Variants in DNASE1 observed in about 807,000 individuals in gnomAD.
The protein encoded by DNASE1 is deoxyribonuclease-1.
In DNASE1, 40 loss-of-function variants were observed where a neutral mutation model predicts 33.9. The ratio of observed to expected loss-of-function variants is 1.18; its 90% CI spans 0.92 to 1.54. DNASE1 has a LOEUF of 1.54. Ranked by LOEUF, DNASE1 falls within the 40% of genes most tolerant of loss-of-function variation. The pLI is 0.00. For missense variants in DNASE1, 518 were observed against 372.6 expected, an observed-to-expected ratio of 1.39 and a Z score of -3.21; for synonymous variants, 216 against 160.0, an observed-to-expected ratio of 1.35 and a Z score of -2.64.
rs558639297 is a variant in DNASE1 at position 3,629,709 on chromosome 16, C to T, written c.-1358-11006C>T. 1.1e-4 allele frequency among the ~76,000 whole-genome samples: 17 copies of T among 152,296 alleles called. No individual in the cohort carries two copies. The East Asian group carries it at 3.3e-3, about 29-fold the overall frequency. On this transcript the variant is annotated intron_variant and NMD_transcript_variant, in intron 1 of 11. Transcript: ENST00000570769. ...AATTAATCAGTGAAGCCTTCAGGTC[C>T]AGGACTTTTCTTAGGAGATTTTTGA...
chr16:3,655,860 C>T lies in DNASE1; in HGVS notation c.159C>T (p.Arg53=), dbSNP rs2042570654. ...LVSYIVQILS[R]YDIALVQEVR... is the part of the protein sequence containing the mutation. ...GGCCCTGCCCCCAGATCCTGAGCCGCTATGACATCGCCCTGGTCCAGGAGG... is the reference window on the plus strand; with the variant it reads ...GGCCCTGCCCCCAGATCCTGAGCCGTTATGACATCGCCCTGGTCCAGGAGG... Residue 53 remains arginine (R), a synonymous_variant, in exon 3 of 9, where the codon CGC becomes CGT. Coordinates refer to ENST00000246949, the MANE Select transcript of DNASE1 (RefSeq NM_005223.4). 1 of 1,613,412 alleles carries T rather than the reference C, an allele frequency of 6.2e-7. No homozygotes were observed. Among genetic ancestry groups the T allele is most frequent in the Admixed American group, 1.7e-5 (1 of 59,982 alleles).
At chr16:3,640,444 G>A (rs956000822), upstream of DNASE1, among the ~76,000 whole-genome samples, 1 of 152,160 alleles carries the variant, frequency 6.6e-6, no homozygotes, top group African/African-American at 2.4e-5. Flanking sequence ...CCTGGAACCC[G>A]CCTCCTGGCT....
At chr16:3,612,224 G>T (rs2040904216) in intron 1 of DNASE1, among the ~76,000 whole-genome samples, 1 of 129,060 alleles carries the variant, frequency 7.7e-6, no homozygotes, top group Non-Finnish European at 1.7e-5. Context: ...GCTTCAACTT[G>T]GGGTCGTCGG....
intron 1 of DNASE1, among the ~76,000 whole-genome samples, chr16:3,624,585 G>T (rs1241826637): frequency 6.6e-6 from 1 of 152,208 alleles, no homozygotes; most frequent in Non-Finnish European, 1.5e-5. Flanking sequence ...TGGGTGGACT[G>T]TGCTCAGCAT....
At position 3,655,045 on chromosome 16, in the gene DNASE1, G is replaced by T. The variant is rs2042504343; in HGVS notation, c.-2+1G>T. 4 of 573,532 alleles carry T rather than the reference G, an allele frequency of 7.0e-6. No individual in the cohort carries two copies. The Admixed American group carries it at 1.3e-4, about 18-fold the overall frequency. 35.5% of individuals were successfully genotyped at this position (573,532 alleles called of 1,614,324 possible). ...TCTGAGGACATCACCATCATCTCAGGTGAGCACCAGGTGGAGTGCCTCTGG... is the reference window on the plus strand; with the variant it reads ...TCTGAGGACATCACCATCATCTCAGTTGAGCACCAGGTGGAGTGCCTCTGG... On this transcript the variant is annotated splice_donor_variant, in intron 1 of 8. Coordinates refer to ENST00000246949, the MANE Select transcript of DNASE1 (RefSeq NM_005223.4). LOFTEE classifies it low-confidence loss of function (5UTR_SPLICE).
chr16:3,662,295 TG>T (rs374363529), downstream of DNASE1: 383 of 852,380 alleles, frequency 4.5e-4, 2 homozygotes, highest in African/African-American at 5.8e-3. Context: ...CACTAACTTG[TG>T]GGCCCTGAGC....
Position 3,657,210 on chromosome 16 carries a change from C to A in DNASE1, c.573C>A (p.Phe191Leu), listed in dbSNP as rs1158493306. 6.2e-7 allele frequency: 1 copy of A among 1,613,974 alleles called. No homozygotes were observed. Among genetic ancestry groups the A allele is most frequent in the Non-Finnish European group, 8.5e-7 (1 of 1,180,032 alleles). Reference protein sequence around the residue: ...GLEDVMLMGDFNAGCSYVRPS... With the variant: ...GLEDVMLMGDLNAGCSYVRPS... ...AGGACGTCATGTTGATGGGCGACTTCAATGCGGGCTGCAGCTATGTGAGAC... is the reference window on the plus strand; with the variant it reads ...AGGACGTCATGTTGATGGGCGACTTAAATGCGGGCTGCAGCTATGTGAGAC... The change falls in exon 7 of 9, where the codon TTC becomes TTA. Residue 191 changes from phenylalanine (F) to leucine (L), a missense_variant. Transcript: ENST00000246949.
intron 1 of DNASE1, among the ~76,000 whole-genome samples, chr16:3,627,316 C>T (rs1355829136): frequency 6.6e-6 from 1 of 151,350 alleles, no homozygotes; most frequent in East Asian, 1.9e-4. Context: ...TGCTCTGTCA[C>T]CCTGGCTGGA....
chr16:3,650,768 T>C (rs2042309728), upstream of DNASE1: 1 of 152,194 alleles, frequency 6.6e-6, no homozygotes, highest in Admixed American at 6.6e-5. Flanking sequence ...TCATGGGATG[T>C]GTGTGCCTGT....
exon 10 of DNASE1, chr16:3,663,859 G>T: frequency 4.9e-6 from 2 of 412,180 alleles, no homozygotes; most frequent in East Asian, 9.3e-5. Flanking sequence ...AGATCATGAG[G>T]TCAGGAGTTC....
rs34262280 is a variant in DNASE1 at position 3,627,450 on chromosome 16, A to AT, written c.-1358-13258dup. Among the ~76,000 whole-genome samples, 606 of 150,962 alleles carry AT rather than the reference A, an allele frequency of 4.0e-3. 3 individuals are homozygous for AT. The highest frequency in any genetic ancestry group is 0.014 in the African/African-American group (561 of 41,124). On this transcript the variant is annotated intron_variant and NMD_transcript_variant, in intron 1 of 11. Transcript: ENST00000570769. ...CCATGGCTGGGTAATTTTATTTTTT[A>AT]TTTTTTTATAGAGACAAGGCCTCAC... is the stretch of plus-strand genomic sequence containing the variant.
At chr16:3,647,029 C>A (rs1280463841) in intron 1 of DNASE1, among the ~76,000 whole-genome samples, 7 of 152,116 alleles carry the variant, frequency 4.6e-5, no homozygotes, top group Admixed American at 4.6e-4. Context: ...ATGTCCCAGC[C>A]ACAGCTGAAG....
downstream of DNASE1, chr16:3,660,839 G>C (rs976009031): frequency 9.2e-5 from 14 of 152,312 alleles, no homozygotes; most frequent in African/African-American, 3.4e-4. Flanking sequence ...CAGGTGGATT[G>C]TTTGAGGCCA....
chr16:3,616,033 TGTATA>T (rs974127852), intron 1 of DNASE1, among the ~76,000 whole-genome samples: 29 of 152,366 alleles, frequency 1.9e-4, no homozygotes, highest in African/African-American at 6.3e-4. Context: ...TATTTACTGT[TGTATA>T]GTCACATTTT....
chr16:3,654,584 C>G (rs559872787), upstream of DNASE1: 1 of 398,746 alleles, frequency 2.5e-6, no homozygotes, highest in African/African-American at 2.1e-5. Context: ...CCATCCCTGC[C>G]CTATCCTGGA....
chr16:3,619,803 G>T lies in DNASE1; in HGVS notation c.-1359+7797G>T, dbSNP rs977050242. On this transcript the variant is annotated intron_variant and NMD_transcript_variant, in intron 1 of 11. Transcript: ENST00000570769. ...TGGGATTATAGGTGTGAGCCACCAC[G>T]CCTGGCCCTCAGTATTTTTAAAAAT... Among the ~76,000 whole-genome samples the T allele has an allele frequency of 3.3e-5, 5 of 152,202 alleles. No homozygotes were observed. In the South Asian group the frequency reaches 1.0e-3, roughly 32 times the overall value.
intron 1 of DNASE1, among the ~76,000 whole-genome samples, chr16:3,621,159 G>A (rs986971216): frequency 2.0e-5 from 3 of 151,932 alleles, no homozygotes; most frequent in African/African-American, 7.3e-5. Context: ...GCAGTGGCAC[G>A]AGCATAGACT....
At chr16:3,623,441 A>C (rs1406085585) in intron 1 of DNASE1, among the ~76,000 whole-genome samples, 1 of 152,186 alleles carries the variant, frequency 6.6e-6, no homozygotes, top group African/African-American at 2.4e-5. Context: ...TATGACTAAG[A>C]CCTCAAAAGC....
upstream of DNASE1, chr16:3,654,490 C>T: frequency 2.5e-6 from 1 of 398,734 alleles, no homozygotes; most frequent in Non-Finnish European, 4.4e-6. Context: ...TGGCTTTGGC[C>T]TCTTTGTCCA....
Sources: allele counts gnomAD v4.1 joint callset (sites outside exome capture counted in the v4.1 genomes callset), GRCh38; gene constraint gnomAD v4.1.1; transcripts MANE v1.5; gene names NCBI Gene and HGNC (gene_info 2026-07-23, HGNC 2026-07-21).